The following GALNT3 variants were observed in gnomAD, a reference collection of about 807,000 sequenced individuals.
GALNT3 encodes polypeptide N-acetylgalactosaminyltransferase 3.
GALNT3 carries 51 observed loss-of-function variants against 69.8 expected under a neutral mutation model. The observed-to-expected ratio is 0.73, with a 90% CI of 0.58 to 0.92. The LOEUF is 0.92. GALNT3 is among the 40% of genes least tolerant of loss of function. The pLI, the probability that GALNT3 is intolerant of heterozygous loss-of-function variation, is 0.00. For missense variants in GALNT3, 711 were observed against 760.0 expected (o/e 0.94, Z 0.76); for synonymous variants, 265 against 248.5 (o/e 1.07, Z -0.63).
Position 165,774,076 on chromosome 2 carries a change from G to A in GALNT3, c.-108-3268C>T, listed in dbSNP as rs942353824. On this transcript the variant is annotated intron_variant, in intron 1 of 10. Transcript: ENST00000392701. ...GCAGCAACCTCACCTATGGGGTTCC[G>A]GAAGATAAGAATGGTCAAAATGTTG... is the stretch of plus-strand genomic sequence containing the variant. 5.9e-5 allele frequency among the ~76,000 whole-genome samples: 9 copies of A among 152,138 alleles called. No homozygotes were observed. In the South Asian group the frequency reaches 8.3e-4, roughly 14 times the overall value.
At position 165,759,427 on chromosome 2, in the gene GALNT3, G is replaced by A. The variant is rs138728996; in HGVS notation, c.982C>T (p.Arg328Cys). The A allele has an allele frequency of 9.9e-6, 16 of 1,613,872 alleles. No individual in the cohort carries two copies. Among genetic ancestry groups the A allele is most frequent in the Admixed American group, 1.7e-5 (1 of 59,964 alleles). ...KPSPYGSNHNRGNFDWSLSFG... is the reference protein window; with the variant it reads ...KPSPYGSNHNCGNFDWSLSFG... ...GAAAGACTCCAGTCAAAATTTCCACGGTTATGGTTACTTCCATAAGGAGAA... is the reference window on the plus strand; with the variant it reads ...GAAAGACTCCAGTCAAAATTTCCACAGTTATGGTTACTTCCATAAGGAGAA... The change falls in exon 5 of 11, where the codon CGT (arginine) becomes TGT (cysteine). Residue 328 changes from arginine to cysteine, a missense_variant. Arg to Cys is a radical substitution (Grantham distance 180). Coordinates refer to ENST00000392701, the MANE Select transcript of GALNT3 (RefSeq NM_004482.4).
In GALNT3 at chr2:165,758,860, G is replaced by T; in HGVS notation, c.1078C>A (p.Pro360Thr). 1.3e-6 allele frequency: 2 copies of T among 1,582,876 alleles called. No individual in the cohort carries two copies. The highest frequency in any genetic ancestry group is 1.7e-6 in the Non-Finnish European group (2 of 1,151,962). The change falls in exon 6 of 11, where the codon CCC becomes ACC. Residue 360 changes from proline (P) to threonine (T), a missense_variant. Pro to Thr is a conservative substitution (Grantham distance 38). Transcript: ENST00000392701. Reference protein sequence around the residue: ...RKDETYPIKTPTFAGGLFSIS... With the variant: ...RKDETYPIKTTTFAGGLFSIS... ...GAAAAAAGTCCTCCTGCAAAAGTGG[G>T]TGTTCTGAAAAATAATCCATTGTCA...
intron 10 of GALNT3, among the ~76,000 whole-genome samples, chr2:165,749,128 G>C (rs907689199): frequency 1.3e-5 from 2 of 151,970 alleles, no homozygotes; most frequent in Non-Finnish European, 2.9e-5. Flanking sequence ...GACAGAACAA[G>C]GTTTGAATCA....
chr2:165,761,999 T>C lies in GALNT3; in HGVS notation c.744A>G (p.Ile248Met), dbSNP rs773370796. The C allele has an allele frequency of 6.2e-7, 1 of 1,604,186 alleles. No homozygotes were observed. Among genetic ancestry groups the C allele is most frequent in the Non-Finnish European group, 8.5e-7 (1 of 1,170,944 alleles). Residue 248 changes from isoleucine to methionine, a missense_variant, in exon 4 of 11, where the codon ATA (isoleucine) becomes ATG (methionine). Transcript: ENST00000392701. ...GACCTTTTCTTTCTCTTTGTCTGAC[T>C]ATTTTTACTATAGAAAATTGTTTTA... ...EYVKQFSIVK[I>M]VRQRERKGLI...
At chr2:165,788,213 A>T (rs1311762810) in intron 1 of GALNT3, among the ~76,000 whole-genome samples, 1 of 148,020 alleles carries the variant, frequency 6.8e-6, no homozygotes, top group African/African-American at 2.5e-5. Context: ...GCTACTTGGG[A>T]GGCTGAGGCA....
At chr2:165,766,667 A>C (rs1688648371) in intron 2 of GALNT3, among the ~76,000 whole-genome samples, 1 of 59,602 alleles carries the variant, frequency 1.7e-5, no homozygotes, top group African/African-American at 3.8e-5. Flanking sequence ...TAAATTGGAG[A>C]TAAAAGCCCA....
intron 1 of GALNT3, among the ~76,000 whole-genome samples, chr2:165,779,148 G>C (rs1683046497): frequency 1.3e-5 from 2 of 152,158 alleles, no homozygotes; most frequent in Admixed American, 1.3e-4. Context: ...GAGCAGTGGA[G>C]GAAAACTATG....
chr2:165,793,037 G>T (rs1031536034), intron 1 of GALNT3, among the ~76,000 whole-genome samples: 2 of 152,074 alleles, frequency 1.3e-5, no homozygotes, highest in African/African-American at 4.8e-5. Flanking sequence ...AACTCGATGG[G>T]GTTCTTAAAA....
chr2:165,768,486 G>A (rs1221249113), intron 2 of GALNT3, among the ~76,000 whole-genome samples: 1 of 152,124 alleles, frequency 6.6e-6, no homozygotes, highest in Non-Finnish European at 1.5e-5. Context: ...AATGTGCCTT[G>A]TTATATCAGC....
At chr2:165,760,200 C>T (rs765102703) in intron 4 of GALNT3, among the ~76,000 whole-genome samples, 8 of 152,210 alleles carry the variant, frequency 5.3e-5, no homozygotes, top group Non-Finnish European at 8.8e-5. Flanking sequence ...AAACTCGTAT[C>T]TCCCTGAATA....
At chr2:165,789,904 T>C (rs1233526958) in intron 1 of GALNT3, among the ~76,000 whole-genome samples, 2 of 152,222 alleles carry the variant, frequency 1.3e-5, no homozygotes, top group Non-Finnish European at 2.9e-5. Context: ...TTGCTCCAAC[T>C]GAGTTCAAGT....
intron 2 of GALNT3, among the ~76,000 whole-genome samples, chr2:165,768,072 C>T (rs890661310): frequency 6.6e-6 from 1 of 152,002 alleles, no homozygotes; most frequent in African/African-American, 2.4e-5. Context: ...TGAGGTTTCA[C>T]CATGTTGGCC....
chr2:165,774,530 G>A (rs146339024), intron 1 of GALNT3, among the ~76,000 whole-genome samples: 4 of 152,282 alleles, frequency 2.6e-5, no homozygotes, highest in Non-Finnish European at 4.4e-5. Flanking sequence ...TCATAAACTA[G>A]AGGAATTGTT....
chr2:165,779,316 C>A (rs2105223841), intron 1 of GALNT3, among the ~76,000 whole-genome samples: 1 of 152,244 alleles, frequency 6.6e-6, no homozygotes, highest in Middle Eastern at 3.4e-3. Flanking sequence ...ACAGAGCAGG[C>A]TAATACAGTA....
intron 8 of GALNT3, 80 bp from the exon 9 acceptor site, chr2:165,754,808 G>A (rs1688416989): frequency 2.9e-6 from 4 of 1,362,370 alleles, no homozygotes; most frequent in Admixed American, 1.9e-5. Flanking sequence ...AGAAAGTAAT[G>A]TTAATGATTA....
In GALNT3 at chr2:165,778,922, T is replaced by G. The variant is rs529585632; in HGVS notation, c.-108-8114A>C. ...AGCTGGCTCCCTAGACACCCAGTCT[T>G]GTGGGGCCCCGAGTTTGGCATGTGT... On this transcript the variant is annotated intron_variant, in intron 1 of 10. Transcript: ENST00000392701. 5.5e-4 allele frequency among the ~76,000 whole-genome samples: 8 copies of G among 14,488 alleles called. No homozygotes were observed. In the South Asian group the frequency reaches 0.04, roughly 72 times the overall value. The allele number at this position is 14,488 out of a possible 152,430, so 9.5% of individuals were successfully genotyped here. A position where few individuals can be genotyped will look rare whatever the true frequency, so the allele number is the denominator to read the frequency against.
At chr2:165,749,296 A>T (rs1199260084) in intron 10 of GALNT3, among the ~76,000 whole-genome samples, 1 of 152,158 alleles carries the variant, frequency 6.6e-6, no homozygotes, top group Non-Finnish European at 1.5e-5. Context: ...AAACATGTTT[A>T]AAAACAGAAG....
chr2:165,791,380 T>C lies in GALNT3; in HGVS notation c.-109+2635A>G, dbSNP rs1474414211. Among the ~76,000 whole-genome samples, 3 of 152,200 alleles carry C rather than the reference T, an allele frequency of 2.0e-5. No homozygotes were observed. In the East Asian group the frequency reaches 5.8e-4, roughly 29 times the overall value. On this transcript the variant is annotated intron_variant, in intron 1 of 10. Transcript: ENST00000392701. Reference sequence around the variant, plus strand: ...ATAGTGCTATTTTCACATTGAGGGCTCCAGCACTTTCGTGGTCATAAAGCA... The same window carrying C: ...ATAGTGCTATTTTCACATTGAGGGCCCCAGCACTTTCGTGGTCATAAAGCA...
intron 1 of GALNT3, among the ~76,000 whole-genome samples, chr2:165,774,251 C>T (rs548913713): frequency 2.0e-5 from 3 of 152,244 alleles, no homozygotes; most frequent in Middle Eastern, 3.4e-3. Flanking sequence ...CCAGGGCTAT[C>T]GAGTGACAGT....
Sources: gnomAD v4.1 joint callset for allele counts (sites outside exome capture counted in the v4.1 genomes callset) on GRCh38, gnomAD v4.1.1 for gene constraint, MANE v1.5 for transcripts, NCBI Gene and HGNC (gene_info 2026-07-23, HGNC 2026-07-21) for gene names.